The following LARS2 variants were observed in gnomAD, a reference collection of about 807,000 sequenced individuals.
The protein encoded by LARS2 is leucine--tRNA ligase, mitochondrial.
Under a neutral mutation model 116.6 loss-of-function variants are expected in LARS2, and 81 were observed. The observed-to-expected ratio is 0.69, with a 90% confidence interval of 0.58 to 0.84. The LOEUF is 0.84. Among genes scored for constraint, LARS2 ranks in the 40% least tolerant of loss-of-function variants. LARS2 has a pLI of 0.00. For missense variants in LARS2, 968 were observed against 1,114.5 expected (o/e 0.87, Z 1.87); for synonymous variants, 396 against 407.2 (o/e 0.97, Z 0.33).
At chr3:45,499,656 ATAAAT>A (rs1700086785) in intron 14 of LARS2, among the ~76,000 whole-genome samples, 1 of 152,194 alleles carries the variant, frequency 6.6e-6, no homozygotes, top group Non-Finnish European at 1.5e-5. Flanking sequence ...TAATGTGAAA[ATAAAT>A]TAATAAATAA....
Position 45,402,378 on chromosome 3 carries a change from A to G in LARS2, c.363+2005A>G, listed in dbSNP as rs577475549. 2.0e-5 allele frequency among the ~76,000 whole-genome samples: 3 copies of G among 152,330 alleles called. No homozygotes were observed. In the East Asian group the frequency reaches 5.8e-4, roughly 29 times the overall value. On this transcript the variant is annotated intron_variant, in intron 4 of 21. Coordinates refer to ENST00000645846, the MANE Select transcript of LARS2 (RefSeq NM_015340.4). Reference sequence around the variant, plus strand: ...TCACCTTGGCAGCTTGAAATCTGCCATTGAGGGAGTATTTACGTCATGGTA... The same window carrying G: ...TCACCTTGGCAGCTTGAAATCTGCCGTTGAGGGAGTATTTACGTCATGGTA...
chr3:45,522,918 A>T (rs1333924322), intron 19 of LARS2, among the ~76,000 whole-genome samples: 1 of 152,028 alleles, frequency 6.6e-6, no homozygotes, highest in Non-Finnish European at 1.5e-5. Flanking sequence ...TTTTAAAATT[A>T]AAAAAAAGGA....
intron 8 of LARS2, among the ~76,000 whole-genome samples, chr3:45,463,636 G>T (rs1235085470): frequency 6.6e-6 from 1 of 151,660 alleles, no homozygotes; most frequent in African/African-American, 2.4e-5. Context: ...CTGTTAACCC[G>T]CAGTCTCTCC....
chr3:45,517,658 C>CT (rs1158979779), intron 17 of LARS2, among the ~76,000 whole-genome samples: 1 of 152,200 alleles, frequency 6.6e-6, no homozygotes, highest in Non-Finnish European at 1.5e-5. Flanking sequence ...GTGGGTGGCA[C>CT]TTTGAGTGGC....
chr3:45,517,193 C>T (rs1408174917), intron 17 of LARS2, among the ~76,000 whole-genome samples: 1 of 152,186 alleles, frequency 6.6e-6, no homozygotes, highest in Non-Finnish European at 1.5e-5. Context: ...ACCCCTAACC[C>T]AGGGGACAGG....
intron 19 of LARS2, among the ~76,000 whole-genome samples, chr3:45,522,766 T>A (rs1283219238): frequency 6.6e-6 from 1 of 152,028 alleles, no homozygotes; most frequent in Non-Finnish European, 1.5e-5. Context: ...AAAGTGTTCA[T>A]ATGAGCTGGG....
intron 15 of LARS2, among the ~76,000 whole-genome samples, chr3:45,505,573 C>T (rs771272756): frequency 2.0e-4 from 30 of 151,760 alleles, no homozygotes; most frequent in African/African-American, 7.2e-4. Context: ...CACTTGTAGT[C>T]CCAGCTACTT....
At chr3:45,414,664 GATT>G (rs1575237934) in intron 4 of LARS2, among the ~76,000 whole-genome samples, 1 of 151,810 alleles carries the variant, frequency 6.6e-6, no homozygotes, top group East Asian at 1.9e-4. Context: ...AGGAGTTCGA[GATT>G]ACGGTGAACT....
intron 21 of LARS2, among the ~76,000 whole-genome samples, chr3:45,543,448 G>T (rs1700825765): frequency 6.7e-6 from 1 of 148,778 alleles, no homozygotes; most frequent in Middle Eastern, 3.4e-3. Flanking sequence ...ACCCAACCCA[G>T]AATTTTTTTT....
At chr3:45,397,071 CT>C (rs1447528245) in intron 3 of LARS2, among the ~76,000 whole-genome samples, 3 of 151,298 alleles carry the variant, frequency 2.0e-5, no homozygotes, top group Non-Finnish European at 2.9e-5. Flanking sequence ...CAGAAGTCAT[CT>C]TTCTTCTAAA....
chr3:45,394,209 G>A (rs1351302988), intron 2 of LARS2, among the ~76,000 whole-genome samples: 3 of 152,152 alleles, frequency 2.0e-5, no homozygotes, highest in African/African-American at 7.2e-5. Flanking sequence ...TTTCCTACAG[G>A]ATTTTTGCAT....
intron 16 of LARS2, among the ~76,000 whole-genome samples, chr3:45,515,219 T>G (rs776522941): frequency 3.3e-5 from 5 of 152,216 alleles, no homozygotes; most frequent in Non-Finnish European, 7.3e-5. Flanking sequence ...TTAGTTCTTC[T>G]TCCTGCTTCT....
intron 20 of LARS2, among the ~76,000 whole-genome samples, chr3:45,524,966 A>G (rs1700512256): frequency 1.3e-5 from 2 of 152,186 alleles, no homozygotes; most frequent in African/African-American, 2.4e-5. Flanking sequence ...ATAGGTGGAA[A>G]TTACAGTAGG....
chr3:45,396,474 G>C (rs969322117), intron 3 of LARS2, among the ~76,000 whole-genome samples: 2 of 152,216 alleles, frequency 1.3e-5, no homozygotes, highest in African/African-American at 4.8e-5. Context: ...GATACACAAA[G>C]ATCAGAACGT....
intron 5 of LARS2, 60 bp downstream of exon 5, chr3:45,417,633 A>C: frequency 1.7e-6 from 2 of 1,165,528 alleles, no homozygotes; most frequent in African/African-American, 1.5e-5. Context: ...AAATTTTTTT[A>C]ACCTGTGCTT....
chr3:45,547,755 G>A lies in LARS2; in HGVS notation c.*225G>A. 1 of 457,176 alleles carries A rather than the reference G, an allele frequency of 2.2e-6. No homozygotes were observed. Among genetic ancestry groups the A allele is most frequent in the Non-Finnish European group, 3.9e-6 (1 of 259,466 alleles). The allele number at this position is 457,176 out of a possible 1,614,324, so 28.3% of individuals were successfully genotyped here. A position where few individuals can be genotyped will look rare whatever the true frequency, so the allele number is the denominator to read the frequency against. On this transcript the variant is annotated 3_prime_UTR_variant, in exon 22 of 22. Coordinates refer to ENST00000645846, the MANE Select transcript of LARS2 (RefSeq NM_015340.4). ...GGAGAAATATGAGCTACTGAGGAGG[G>A]GGTTGGACATCCTGCCCCTCACCCC...
chr3:45,470,127 T>TA (rs1483360781), intron 8 of LARS2, among the ~76,000 whole-genome samples: 2 of 152,200 alleles, frequency 1.3e-5, no homozygotes, highest in Non-Finnish European at 2.9e-5. Context: ...CTGGGTCTTC[T>TA]AAAACGTATC....
intron 6 of LARS2, 92 bp downstream of exon 6, chr3:45,419,821 C>A: frequency 9.8e-7 from 1 of 1,017,358 alleles, no homozygotes; most frequent in Admixed American, 1.7e-5. Context: ...TGGGAGAAGG[C>A]AAGGGTGGGA....
At chr3:45,391,046 T>G (rs980768634) in intron 1 of LARS2, among the ~76,000 whole-genome samples, 3 of 152,262 alleles carry the variant, frequency 2.0e-5, no homozygotes, top group Non-Finnish European at 4.4e-5. Flanking sequence ...TTCTCGTAGC[T>G]AATTGCTTGC....
Sources: gnomAD v4.1 joint callset for allele counts (sites outside exome capture counted in the v4.1 genomes callset) on GRCh38, gnomAD v4.1.1 for gene constraint, MANE v1.5 for transcripts, NCBI Gene and HGNC (gene_info 2026-07-23, HGNC 2026-07-21) for gene names.